Variants in PCDHGA3 observed in about 807,000 individuals in gnomAD.
PCDHGA3 encodes protocadherin gamma-A3.
Under a neutral mutation model 58.5 loss-of-function variants are expected in PCDHGA3, and 40 were observed. The observed-to-expected ratio is 0.68, with a 90% CI of 0.53 to 0.89. PCDHGA3 has a LOEUF of 0.89. PCDHGA3 is among the 40% of genes least tolerant of loss of function. The pLI is 0.00. For synonymous variants in PCDHGA3, 530 were observed against 525.7 expected (o/e 1.01, Z -0.11); for missense variants, 1,223 against 1,195.9 (o/e 1.02, Z -0.33).
At chr5:141,388,270 A>G (rs1387371856) in intron 1 of PCDHGA3, 1 of 1,596,568 alleles carries the variant, frequency 6.3e-7, no homozygotes, top group Non-Finnish European at 8.5e-7. Flanking sequence ...ATTAATGACC[A>G]CACGCCAAAA....
chr5:141,354,959 G>A, intron 1 of PCDHGA3: 1 of 493,026 alleles, frequency 2.0e-6, no homozygotes, highest in East Asian at 3.2e-5. Context: ...GCAGTAACAG[G>A]TTAAGACTCT....
chr5:141,388,144 G>A (rs1327741980), intron 1 of PCDHGA3: 2 of 1,458,202 alleles, frequency 1.4e-6, no homozygotes, highest in Non-Finnish European at 9.5e-7. Flanking sequence ...TTGCTTGTGA[G>A]CAGCAGGCTA....
intron 1 of PCDHGA3, chr5:141,404,701 G>C (rs563319884): frequency 1.2e-6 from 2 of 1,613,956 alleles, no homozygotes; most frequent in Non-Finnish European, 1.7e-6. Context: ...GCTCTGCAGA[G>C]CCTGGCTACC....
rs762812288 is a variant in PCDHGA3, at chr5:141,344,642, G to A, written c.609G>A (p.Glu203=). The A allele has an allele frequency of 6.2e-7, 1 of 1,613,938 alleles. No homozygotes were observed. The highest frequency in any genetic ancestry group is 1.1e-5 in the South Asian group (1 of 91,088). ...ELVLERALDR[E]KKEIHQLVLV... is the part of the protein sequence containing the mutation. ...TGCTGGAGCGGGCCCTGGACCGTGA[G>A]AAAAAAGAAATTCACCAGCTTGTCC... The change falls in exon 1 of 4, where the codon GAG becomes GAA. Residue 203 remains glutamate, a synonymous_variant. Transcript: ENST00000253812.
At chr5:141,376,311 T>G in intron 1 of PCDHGA3, 1 of 1,613,882 alleles carries the variant, frequency 6.2e-7, no homozygotes, top group Non-Finnish European at 8.5e-7. Context: ...TTTGTGGGCG[T>G]GGAAGGGGTT....
intron 1 of PCDHGA3, chr5:141,355,189 G>T (rs1414390153): frequency 6.3e-7 from 1 of 1,590,758 alleles, no homozygotes; most frequent in Non-Finnish European, 8.6e-7. Flanking sequence ...GCGACTCCGC[G>T]GCGGGGTTGT....
At chr5:141,409,831 C>A (rs1015263434) in intron 1 of PCDHGA3, 1 of 1,611,128 alleles carries the variant, frequency 6.2e-7, no homozygotes, top group African/African-American at 1.3e-5. Flanking sequence ...CCACGCTCAG[C>A]GCCAACGTGA....
At chr5:141,428,189 C>G in intron 1 of PCDHGA3, 1 of 1,429,262 alleles carries the variant, frequency 7.0e-7, no homozygotes, top group African/African-American at 1.4e-5. Flanking sequence ...ACAGCCGCCG[C>G]TCTCTGCGCC....
chr5:141,384,249 C>T (rs886257445), intron 1 of PCDHGA3: 20 of 1,613,790 alleles, frequency 1.2e-5, no homozygotes, highest in Admixed American at 1.7e-5. Flanking sequence ...ATAACCCACC[C>T]ACCTTCCCCC....
At chr5:141,505,143 CAG>C (rs1332770308) in intron 2 of PCDHGA3, among the ~76,000 whole-genome samples, 1 of 152,172 alleles carries the variant, frequency 6.6e-6, no homozygotes, top group Non-Finnish European at 1.5e-5. Context: ...GCCTGGATGA[CAG>C]AGTAAGACCC....
chr5:141,457,471 C>T (rs1478580665), intron 1 of PCDHGA3, among the ~76,000 whole-genome samples: 1 of 152,182 alleles, frequency 6.6e-6, no homozygotes, highest in African/African-American at 2.4e-5. Context: ...CAGGAATAAG[C>T]AGGGCCAGGG....
chr5:141,502,518 T>C (rs1388007900), intron 2 of PCDHGA3, among the ~76,000 whole-genome samples: 1 of 152,184 alleles, frequency 6.6e-6, no homozygotes, highest in Non-Finnish European at 1.5e-5. Flanking sequence ...CCACTATCAG[T>C]GATGCCGAGT....
intron 2 of PCDHGA3, among the ~76,000 whole-genome samples, chr5:141,499,575 T>TCCCTA (rs2099792820): frequency 1.3e-5 from 2 of 152,202 alleles, no homozygotes; most frequent in Non-Finnish European, 2.9e-5. Context: ...CTTCAACTAA[T>TCCCTA]GCCTTATCTT....
intron 1 of PCDHGA3, chr5:141,390,426 T>C: frequency 9.8e-7 from 1 of 1,021,884 alleles, no homozygotes; most frequent in Non-Finnish European, 1.4e-6. Flanking sequence ...TAAAAAGCTG[T>C]CATATCATTC....
Position 141,346,123 on chromosome 5 carries a change from T to A in PCDHGA3, c.2090T>A (p.Val697Glu). 3 of 1,613,902 alleles carry A rather than the reference T, an allele frequency of 1.9e-6. No homozygotes were observed. The highest frequency in any genetic ancestry group is 2.5e-6 in the Non-Finnish European group (3 of 1,179,892). Residue 697 changes from valine to glutamate, a missense_variant, in exon 1 of 4, where the codon GTG becomes GAG. Physicochemically the swap from Val to Glu is moderately radical, Grantham distance 121. Around this residue, in one of 3 missense-constraint regions of PCDHGA3, gnomAD observed 325 missense variants for 327.5 expected, o/e 0.99. Coordinates refer to ENST00000253812, the MANE Select transcript of PCDHGA3 (RefSeq NM_018916.4). ...CTCACTCTGTACCTGGTGGTGGCGG[T>A]GGCCGCGGTCTCCTGCGTCTTCCTG... ...SDLTLYLVVA[V>E]AAVSCVFLAF...
At position 141,485,682 on chromosome 5, in the gene PCDHGA3, A is replaced by T. The variant is rs779441999; in HGVS notation, c.2425-9125A>T. 6.2e-7 allele frequency: 1 copy of T among 1,613,958 alleles called. No individual in the cohort carries two copies. Among genetic ancestry groups the T allele is most frequent in the Non-Finnish European group, 8.5e-7 (1 of 1,179,972 alleles). On this transcript the variant is annotated intron_variant, in intron 1 of 3. Transcript: ENST00000253812. This position sits in a 1 kb window ranked among gnomAD's most constrained non-coding sequence, Gnocchi z 5.7. ...GTGGGGAGCAATTCGATTAGCAGCT[A>T]TAGGCTGAGCTCCAATGAACACTTT...
At chr5:141,420,483 T>C in intron 1 of PCDHGA3, 2 of 581,364 alleles carry the variant, frequency 3.4e-6, no homozygotes, top group Non-Finnish European at 5.2e-6. Context: ...GCAAACTACA[T>C]GGGTAATCTC....
chr5:141,383,869 G>C (rs1311272718), intron 1 of PCDHGA3: 1 of 1,613,980 alleles, frequency 6.2e-7, no homozygotes, highest in Non-Finnish European at 8.5e-7. Context: ...GGCTCAAGAT[G>C]GTCCTGGTAG....
intron 1 of PCDHGA3, chr5:141,404,241 C>A (rs960579159): frequency 6.2e-7 from 1 of 1,613,458 alleles, no homozygotes; most frequent in African/African-American, 1.3e-5. Context: ...AGAGGAACTC[C>A]GCCCCTGTCC....
Sources: allele counts gnomAD v4.1 joint callset (sites outside exome capture counted in the v4.1 genomes callset), GRCh38; gene constraint gnomAD v4.1.1; regional missense constraint gnomAD v4.1.1; non-coding constraint Gnocchi (gnomAD v3.1); transcripts MANE v1.5; gene names NCBI Gene and HGNC (gene_info 2026-07-23, HGNC 2026-07-21).